Variants in LMNB1 observed in about 807,000 individuals in gnomAD.
LMNB1 encodes the protein lamin B1.
LMNB1 carries 23 observed loss-of-function variants against 67.1 expected under a neutral mutation model. The observed-to-expected ratio is 0.34, with a 90% CI of 0.25 to 0.49. The LOEUF (loss-of-function observed/expected upper bound fraction) is 0.49. Among genes scored for constraint, LMNB1 ranks in the 20% least tolerant of loss-of-function variants. The probability of loss-of-function intolerance (pLI) is 0.99; values close to 1 mark genes in which losing one functional copy is unlikely to be tolerated. For missense variants in LMNB1, 634 were observed against 746.5 expected (o/e 0.85, Z 1.76); for synonymous variants, 281 against 282.9 (o/e 0.99, Z 0.07).
chr5:126,798,077 A>T (rs927797659), intron 1 of LMNB1, among the ~76,000 whole-genome samples: 32 of 152,134 alleles, frequency 2.1e-4, no homozygotes, highest in African/African-American at 7.5e-4. Flanking sequence ...TAGAGGTTGC[A>T]GTGAGCCGTG....
Position 126,805,508 on chromosome 5 carries a change from C to G in LMNB1, c.517-63C>G, listed in dbSNP as rs1751392517. ...TTGATTTGATTTGATTCATAGATAT[C>G]TTATGTTCATTATTAAATGATTGCC... On this transcript the variant is annotated intron_variant, in intron 2 of 10. Coordinates refer to ENST00000261366, the MANE Select transcript of LMNB1 (RefSeq NM_005573.4). The G allele has an allele frequency of 1.2e-5, 13 of 1,114,778 alleles. No individual in the cohort carries two copies. In the South Asian group the frequency reaches 1.8e-4, roughly 15 times the overall value. 69.1% of individuals were successfully genotyped at this position (1,114,778 alleles called of 1,614,324 possible).
At chr5:126,818,815 T>G (rs1310218196) in intron 5 of LMNB1, 107 bp from the exon 6 acceptor site, 2 of 777,010 alleles carry the variant, frequency 2.6e-6, no homozygotes, top group African/African-American at 1.7e-5. Context: ...AGTTAGAGAT[T>G]CCATAGGGTT....
chr5:126,798,436 C>T (rs545094337), intron 1 of LMNB1, among the ~76,000 whole-genome samples: 20 of 152,074 alleles, frequency 1.3e-4, no homozygotes, highest in Admixed American at 4.6e-4. Flanking sequence ...GGCCACAGAG[C>T]GAGACTCTGT....
At chr5:126,787,101 G>T (rs1394074683) in intron 1 of LMNB1, among the ~76,000 whole-genome samples, 2 of 152,150 alleles carry the variant, frequency 1.3e-5, no homozygotes, top group African/African-American at 4.8e-5. Flanking sequence ...GGGATACTCA[G>T]TCCCCATTAT....
At chr5:126,790,270 G>C (rs1268610734) in intron 1 of LMNB1, among the ~76,000 whole-genome samples, 1 of 151,600 alleles carries the variant, frequency 6.6e-6, no homozygotes, top group African/African-American at 2.4e-5. Context: ...CAAGCCCTGT[G>C]AATTTTTGTA....
intron 1 of LMNB1, among the ~76,000 whole-genome samples, chr5:126,783,354 T>C (rs1739526722): frequency 1.6e-5 from 1 of 61,146 alleles, no homozygotes; most frequent in Non-Finnish European, 3.0e-5. Context: ...CAAACTTTTA[T>C]ATTTTTATAA....
intron 3 of LMNB1, among the ~76,000 whole-genome samples, chr5:126,806,072 A>C (rs1393316185): frequency 6.6e-6 from 1 of 152,106 alleles, no homozygotes; most frequent in Non-Finnish European, 1.5e-5. Flanking sequence ...CTCCTGCCTC[A>C]GCCTCCCGAG....
chr5:126,777,784 G>C lies in LMNB1; in HGVS notation c.276G>C (p.Ala92=). 1 of 1,508,674 alleles carries C rather than the reference G, an allele frequency of 6.6e-7. No individual in the cohort carries two copies. The highest frequency in any genetic ancestry group is 8.9e-7 in the Non-Finnish European group (1 of 1,125,884). 93.5% of individuals were successfully genotyped at this position (1,508,674 alleles called of 1,614,324 possible). A position where few individuals can be genotyped will look rare whatever the true frequency, so the allele number is the denominator to read the frequency against. ...CCGAGCTGGCCGACGCGCGACGCGCGCTCGACGACACGGCCCGCGAGCGCG... is the reference window on the plus strand; with the variant it reads ...CCGAGCTGGCCGACGCGCGACGCGCCCTCGACGACACGGCCCGCGAGCGCG... The part of the protein sequence containing the change: ...YETELADARR[A]LDDTARERAK... The change falls in exon 1 of 11, where the codon GCG becomes GCC. Residue 92 remains alanine, a synonymous_variant. Coordinates refer to ENST00000261366, the MANE Select transcript of LMNB1 (RefSeq NM_005573.4).
chr5:126,805,401 A>C (rs189219911), intron 2 of LMNB1, among the ~76,000 whole-genome samples, 170 bp from the exon 3 acceptor site: 1 of 152,354 alleles, frequency 6.6e-6, no homozygotes, highest in African/African-American at 2.4e-5. Context: ...TGTGGGTGGG[A>C]CCAGCAAATG....
intron 5 of LMNB1, among the ~76,000 whole-genome samples, chr5:126,817,498 G>A (rs981640646): frequency 6.6e-6 from 1 of 152,010 alleles, no homozygotes; most frequent in African/African-American, 2.4e-5. Context: ...AACTTTTTCT[G>A]TCTAATCATT....
chr5:126,806,999 A>C (rs1751456393), intron 3 of LMNB1, among the ~76,000 whole-genome samples: 1 of 152,068 alleles, frequency 6.6e-6, no homozygotes, highest in South Asian at 2.1e-4. Context: ...GGATGGTCTC[A>C]ATCTCCTGAC....
At chr5:126,823,139 A>G (rs1306828022) in intron 8 of LMNB1, among the ~76,000 whole-genome samples, 1 of 152,232 alleles carries the variant, frequency 6.6e-6, no homozygotes, top group East Asian at 1.9e-4. Context: ...GCTGATACTT[A>G]TAGCCCAGTG....
At chr5:126,785,689 G>T (rs970777554) in intron 1 of LMNB1, among the ~76,000 whole-genome samples, 1 of 151,868 alleles carries the variant, frequency 6.6e-6, no homozygotes, top group Non-Finnish European at 1.5e-5. Context: ...CAAACACCAA[G>T]AAGAAAATTC....
At chr5:126,805,787 A>G in intron 3 of LMNB1, 91 bp downstream of exon 3, 1 of 986,442 alleles carries the variant, frequency 1.0e-6, no homozygotes, top group Non-Finnish European at 1.4e-6. Flanking sequence ...TTTATTTATG[A>G]TTTCTTTGCC....
At chr5:126,780,548 A>T (rs915568600) in intron 1 of LMNB1, among the ~76,000 whole-genome samples, 1 of 152,252 alleles carries the variant, frequency 6.6e-6, no homozygotes, top group African/African-American at 2.4e-5. Flanking sequence ...AATGCATGTG[A>T]TACAATTTAG....
At chr5:126,812,400 A>C (rs1200814901) in intron 5 of LMNB1, among the ~76,000 whole-genome samples, 1 of 152,246 alleles carries the variant, frequency 6.6e-6, no homozygotes, top group African/African-American at 2.4e-5. Context: ...TCCGATAAGA[A>C]TTTAGTGACT....
intron 5 of LMNB1, among the ~76,000 whole-genome samples, chr5:126,812,187 G>A (rs1040087209): frequency 6.6e-6 from 1 of 152,110 alleles, no homozygotes; most frequent in Non-Finnish European, 1.5e-5. Flanking sequence ...CCTAGGACCC[G>A]GATCTTCCGA....
chr5:126,789,835 G>C (rs1018520470), intron 1 of LMNB1, among the ~76,000 whole-genome samples: 1 of 152,008 alleles, frequency 6.6e-6, no homozygotes, highest in Admixed American at 6.6e-5. Flanking sequence ...CAACGAGCCC[G>C]ACTAATTTTT....
intron 3 of LMNB1, among the ~76,000 whole-genome samples, chr5:126,808,027 A>T (rs1202854592): frequency 6.6e-6 from 1 of 151,936 alleles, no homozygotes; most frequent in Non-Finnish European, 1.5e-5. Flanking sequence ...ATGTGCCACC[A>T]TGCCCGGCTA....
Sources: gnomAD v4.1 joint callset for allele counts (sites outside exome capture counted in the v4.1 genomes callset) on GRCh38, gnomAD v4.1.1 for gene constraint, MANE v1.5 for transcripts, NCBI Gene and HGNC (gene_info 2026-07-23, HGNC 2026-07-21) for gene names.